HS6ST1: variants seen among roughly 807,000 people sequenced by gnomAD.
HS6ST1 encodes heparan-sulfate 6-O-sulfotransferase 1.
A neutral mutation model predicts 25.2 loss-of-function variants in HS6ST1; 3 were observed. The observed-to-expected ratio is 0.12, with a 90% CI of 0.05 to 0.31. HS6ST1 has a LOEUF of 0.31. Ranked by LOEUF, HS6ST1 falls within the 10% of genes least tolerant of loss-of-function variation. The probability of loss-of-function intolerance (pLI) is 1.00; values close to 1 mark genes in which losing one functional copy is unlikely to be tolerated. For missense variants in HS6ST1, 310 were observed against 609.6 expected, an observed-to-expected ratio of 0.51 and a Z score of 5.18; for synonymous variants, 204 against 275.1, an observed-to-expected ratio of 0.74 and a Z score of 2.56.
chr2:128,287,251 G>A (rs930423739), intron 1 of HS6ST1, among the ~76,000 whole-genome samples: 1 of 152,198 alleles, frequency 6.6e-6, no homozygotes, highest in Non-Finnish European at 1.5e-5. Flanking sequence ...CAGTCCCCCT[G>A]CAAGAGCACC....
At chr2:128,269,359 C>T (rs1298854384) in intron 1 of HS6ST1, among the ~76,000 whole-genome samples, 1 of 152,000 alleles carries the variant, frequency 6.6e-6, no homozygotes, top group African/African-American at 2.4e-5. Context: ...GGGTGCCCAG[C>T]GGACCAGCCA....
Position 128,288,213 on chromosome 2 carries a change from T to C in HS6ST1, c.528-19343A>G, listed in dbSNP as rs555723542. 9.9e-5 allele frequency among the ~76,000 whole-genome samples: 15 copies of C among 152,276 alleles called. No homozygotes were observed. In the South Asian group the frequency reaches 2.9e-3, roughly 29 times the overall value. Reference sequence around the variant, plus strand: ...TTGCGAGGACTCACGTGGCCCTTCCTCTTCCTTACAGCCTGTAACTACACA... The same window carrying C: ...TTGCGAGGACTCACGTGGCCCTTCCCCTTCCTTACAGCCTGTAACTACACA... On this transcript the variant is annotated intron_variant, in intron 1 of 1. Transcript: ENST00000259241.
At chr2:128,301,864 G>A (rs1228972629) in intron 1 of HS6ST1, among the ~76,000 whole-genome samples, 6 of 152,180 alleles carry the variant, frequency 3.9e-5, no homozygotes, top group Non-Finnish European at 7.4e-5. Flanking sequence ...ACTGGCTCAC[G>A]CAGGCATCAC....
intron 1 of HS6ST1, among the ~76,000 whole-genome samples, chr2:128,289,132 C>T (rs527769537): frequency 2.6e-5 from 4 of 152,236 alleles, no homozygotes; most frequent in African/African-American, 7.2e-5. Flanking sequence ...CAGAGATAAG[C>T]CATTCTGTGC....
At position 128,318,503 on chromosome 2, in the gene HS6ST1, C is replaced by G. The variant is rs1203843922; in HGVS notation, c.61G>C (p.Val21Leu). 6.5e-7 allele frequency: 1 copy of G among 1,542,488 alleles called. No homozygotes were observed. Among genetic ancestry groups the G allele is most frequent in the Non-Finnish European group, 8.7e-7 (1 of 1,148,312 alleles). Residue 21 changes from valine (V) to leucine (L), a missense_variant, in exon 1 of 2, where the codon GTG becomes CTG. Val to Leu is a conservative substitution (Grantham distance 32, BLOSUM62 1). This residue lies in a region of HS6ST1 where 63 missense variants were observed against 105.4 expected (regional missense o/e 0.60). Transcript: ENST00000259241. The surrounding 1 kb of genome is among the most constrained non-coding windows in gnomAD (Gnocchi z 5.7). ...MVERASKFVL[V>L]VAGSVCFMLI... is the part of the protein sequence containing the mutation. ...ATGAAGCACACCGAGCCCGCCACCA[C>G]CAGCACGAACTTGCTGGCGCGCTCA...
rs1184170429 is a variant in HS6ST1, at chr2:128,288,303, C to T, written c.528-19433G>A. On this transcript the variant is annotated intron_variant, in intron 1 of 1. Coordinates refer to ENST00000259241, the MANE Select transcript of HS6ST1 (RefSeq NM_004807.3). Reference sequence around the variant, plus strand: ...GGCCCGAGAGGGAGGCTGGCGGCAGCGTCAGGTCCTGCCGGGGTGTGCAGT... The same window carrying T: ...GGCCCGAGAGGGAGGCTGGCGGCAGTGTCAGGTCCTGCCGGGGTGTGCAGT... Among the ~76,000 whole-genome samples, 7 of 152,204 alleles carry T rather than the reference C, an allele frequency of 4.6e-5. No individual in the cohort carries two copies. In the East Asian group the frequency reaches 5.8e-4, roughly 13 times the overall value.
At chr2:128,286,162 C>T (rs1347648561) in intron 1 of HS6ST1, among the ~76,000 whole-genome samples, 3 of 152,222 alleles carry the variant, frequency 2.0e-5, no homozygotes, top group Non-Finnish European at 4.4e-5. Flanking sequence ...CCAGGACTGG[C>T]GTGGGGGACC....
intron 1 of HS6ST1, among the ~76,000 whole-genome samples, chr2:128,284,192 A>G (rs966352686): frequency 3.9e-5 from 6 of 152,118 alleles, no homozygotes; most frequent in Non-Finnish European, 8.8e-5. Flanking sequence ...CTCTGCAACT[A>G]GGTGCTCAGA....
At chr2:128,305,236 A>G (rs1694190925) in intron 1 of HS6ST1, among the ~76,000 whole-genome samples, 1 of 152,232 alleles carries the variant, frequency 6.6e-6, no homozygotes, top group Non-Finnish European at 1.5e-5. Flanking sequence ...CTTTGTAAGA[A>G]TGATGTTCTC....
intron 1 of HS6ST1, among the ~76,000 whole-genome samples, chr2:128,314,089 T>G (rs1291394231): frequency 1.3e-5 from 2 of 152,124 alleles, no homozygotes; most frequent in East Asian, 1.9e-4. Context: ...TCCTGTTCAT[T>G]GGCCCCAGTC....
intron 1 of HS6ST1, among the ~76,000 whole-genome samples, chr2:128,277,960 C>T (rs919338607): frequency 1.3e-5 from 2 of 152,230 alleles, no homozygotes; most frequent in Admixed American, 6.5e-5. Flanking sequence ...GTTTAGTGTG[C>T]CCCACAATCA....
intron 1 of HS6ST1, among the ~76,000 whole-genome samples, chr2:128,301,497 T>C (rs1215289489): frequency 1.3e-5 from 2 of 152,112 alleles, no homozygotes; most frequent in African/African-American, 4.8e-5. Context: ...GAATGGAAAA[T>C]TGCTCAGCTC....
chr2:128,268,917 GGGGGGCTACCA>G (rs773193337), intron 1 of HS6ST1, 47 bp from the exon 2 acceptor site: 44 of 1,522,822 alleles, frequency 2.9e-5, no homozygotes, highest in Non-Finnish European at 6.3e-6. Flanking sequence ...CGCAGCATGA[GGGGGGCTACCA>G]GGGCTGCTCT....
chr2:128,292,069 C>T (rs566680699), intron 1 of HS6ST1, among the ~76,000 whole-genome samples: 79 of 152,010 alleles, frequency 5.2e-4, no homozygotes, highest in African/African-American at 1.6e-3. Context: ...TGGATGGAGC[C>T]GGCAGGGGAG....
intron 1 of HS6ST1, among the ~76,000 whole-genome samples, chr2:128,287,259 A>G (rs1434595455): frequency 6.6e-6 from 1 of 152,046 alleles, no homozygotes; most frequent in Non-Finnish European, 1.5e-5. Flanking sequence ...CTGCAAGAGC[A>G]CCTCAGTGGA....
intron 1 of HS6ST1, among the ~76,000 whole-genome samples, chr2:128,294,675 TG>T (rs1694012705): frequency 2.7e-5 from 1 of 37,372 alleles, no homozygotes; most frequent in Admixed American, 2.3e-4. Flanking sequence ...GGGAGGCGTG[TG>T]TGTGTGTGTG....
At chr2:128,308,408 C>T (rs1170731003) in intron 1 of HS6ST1, among the ~76,000 whole-genome samples, 2 of 152,162 alleles carry the variant, frequency 1.3e-5, no homozygotes, top group African/African-American at 4.8e-5. Context: ...CTCAGCCAGG[C>T]GAGCCTCTGT....
At chr2:128,279,907 T>A (rs931262323) in intron 1 of HS6ST1, among the ~76,000 whole-genome samples, 21 of 152,188 alleles carry the variant, frequency 1.4e-4, no homozygotes, top group African/African-American at 5.1e-4. Context: ...CGACAGCACC[T>A]GCTTCCCCAG....
chr2:128,305,173 C>T (rs372979152), intron 1 of HS6ST1, among the ~76,000 whole-genome samples: 1 of 152,250 alleles, frequency 6.6e-6, no homozygotes, highest in Non-Finnish European at 1.5e-5. Context: ...AACAGCCACA[C>T]CAATCCCAAT....
Sources: allele counts gnomAD v4.1 joint callset (sites outside exome capture counted in the v4.1 genomes callset), GRCh38; gene constraint gnomAD v4.1.1; regional missense constraint gnomAD v4.1.1; non-coding constraint Gnocchi (gnomAD v3.1); transcripts MANE v1.5; gene names NCBI Gene and HGNC (gene_info 2026-07-23, HGNC 2026-07-21).